ARMCX4: variants seen among roughly 807,000 people sequenced by gnomAD.
The protein encoded by ARMCX4 is armadillo repeat containing X-linked 4.
A neutral mutation model predicts 34.7 loss-of-function variants in ARMCX4; 3 were observed. That is an observed-to-expected ratio of 0.09 (90% confidence interval 0.04 to 0.22). The LOEUF is 0.22. Among genes scored for constraint, ARMCX4 ranks in the 10% least tolerant of loss-of-function variants. The pLI is 1.00. For missense variants in ARMCX4, 1,448 were observed against 1,720.8 expected (o/e 0.84, Z 2.81); for synonymous variants, 513 against 632.8 (o/e 0.81, Z 2.84).
At chrX:101,432,431 G>C (rs1460878929) in intron 2 of ARMCX4, among the ~76,000 whole-genome samples, 1 of 111,449 alleles carries the variant, frequency 9.0e-6, no homozygotes, top group Non-Finnish European at 1.9e-5. Context: ...GGGAGGCTGA[G>C]GCAGTAGGAT....
Position 101,460,547 on chromosome X carries a change from T to C in ARMCX4, c.-473+14503T>C, listed in dbSNP as rs782225854. Among the ~76,000 whole-genome samples the C allele has an allele frequency of 8.6e-4, 96 of 112,231 alleles. 1 individual carries two copies. The highest frequency in any genetic ancestry group is 2.6e-3 in the African/African-American group (81 of 30,943). Reference sequence around the variant, plus strand: ...TGGAATTACTGTAAAGCTTTCCCCATGGTGTCTGGAATCCACCAGGGCTCT... The same window carrying C: ...TGGAATTACTGTAAAGCTTTCCCCACGGTGTCTGGAATCCACCAGGGCTCT... On this transcript the variant is annotated intron_variant and NMD_transcript_variant, in intron 4 of 15. Transcript: ENST00000433011.
chrX:101,502,315 C>T (rs994679598), intron 7 of ARMCX4, among the ~76,000 whole-genome samples: 2 of 112,242 alleles, frequency 1.8e-5, no homozygotes, highest in African/African-American at 6.5e-5. Context: ...GATCATGGCT[C>T]ACTGCAGCCT....
intron 2 of ARMCX4, among the ~76,000 whole-genome samples, chrX:101,438,704 G>T (rs1482468509): frequency 1.8e-5 from 2 of 111,855 alleles, no homozygotes; most frequent in African/African-American, 6.5e-5. Flanking sequence ...TTGTTGAATT[G>T]ATACCTTTAC....
chrX:101,528,973 GA>G lies in ARMCX4; in HGVS notation c.*1781-2664del, dbSNP rs1363388010. Among the ~76,000 whole-genome samples the G allele has an allele frequency of 1.1e-3, 120 of 111,295 alleles. 1 individual carries two copies. Among genetic ancestry groups the G allele is most frequent in the Middle Eastern group, 4.6e-3 (1 of 217 alleles). ...ACCAATGACTTTCTTCACAGAACTG[GA>G]AAAAAATACTTTAAAGTTAATATGG... On this transcript the variant is annotated intron_variant and NMD_transcript_variant, in intron 11 of 12. Coordinates refer to the ARMCX4 transcript ENST00000354842.
rs1556009229 is a variant in ARMCX4 at position 101,491,606 on chromosome X, A to G, written c.3017A>G (p.Asn1006Ser). ...SQSETLLGAR[N>S]KVKGNTIAVP... ...AGTGAGACCTTGCTTGGTGCCAGGAATAAGGTCAAGGGCAATACCATTGCT... is the reference window on the plus strand; with the variant it reads ...AGTGAGACCTTGCTTGGTGCCAGGAGTAAGGTCAAGGGCAATACCATTGCT... Residue 1006 changes from asparagine to serine, a missense_variant, in exon 6 of 6, where the codon AAT (asparagine) becomes AGT (serine). Asn to Ser is a conservative substitution (Grantham distance 46). Transcript: ENST00000423738. 1 of 1,156,629 alleles carries G rather than the reference A, an allele frequency of 8.6e-7. No individual in the cohort carries two copies. Among genetic ancestry groups the G allele is most frequent in the South Asian group, 1.9e-5 (1 of 52,808 alleles).
chrX:101,499,972 C>T (rs187703776), downstream of ARMCX4, among the ~76,000 whole-genome samples: 32 of 111,905 alleles, frequency 2.9e-4, no homozygotes, highest in African/African-American at 1.0e-3. Context: ...AAAGAAAGGC[C>T]GAGTGCCCAG....
At chrX:101,454,209 A>C (rs1238096286) in intron 4 of ARMCX4, among the ~76,000 whole-genome samples, 1 of 108,931 alleles carries the variant, frequency 9.2e-6, no homozygotes, top group Non-Finnish European at 1.9e-5. Context: ...AAAAAATAAA[A>C]GCTCTGATCT....
chrX:101,477,754 A>G (rs782172411), intron 4 of ARMCX4, among the ~76,000 whole-genome samples: 10 of 111,468 alleles, frequency 9.0e-5, no homozygotes, highest in Non-Finnish European at 1.9e-4. Context: ...GTAAAACCAG[A>G]TATTAGCAAA....
chrX:101,423,744 A>G (rs1555990466), intron 2 of ARMCX4, among the ~76,000 whole-genome samples: 2 of 111,890 alleles, frequency 1.8e-5, no homozygotes, highest in African/African-American at 6.5e-5. Flanking sequence ...GAGAGTTGAG[A>G]CTTTTTCACC....
At chrX:101,432,171 A>C (rs1555992185) in intron 2 of ARMCX4, among the ~76,000 whole-genome samples, 1 of 111,950 alleles carries the variant, frequency 8.9e-6, no homozygotes, top group African/African-American at 3.2e-5. Context: ...TTATGGCTGT[A>C]GGCAGGTTCA....
At chrX:101,450,594 GA>G (rs1490101201), downstream of ARMCX4, among the ~76,000 whole-genome samples, 1 of 111,913 alleles carries the variant, frequency 8.9e-6, no homozygotes, top group Non-Finnish European at 1.9e-5. Flanking sequence ...AGGTGCAAGA[GA>G]AAGTTCTCTT....
At chrX:101,444,286 G>A (rs1254994754) in intron 3 of ARMCX4, 2 of 149,608 alleles carry the variant, frequency 1.3e-5, no homozygotes, top group African/African-American at 6.3e-5. Context: ...ACTTTAATTG[G>A]GCTCATCTGA....
chrX:101,512,871 TAGAG>T (rs1356214173), intron 11 of ARMCX4, among the ~76,000 whole-genome samples: 3 of 72,395 alleles, frequency 4.1e-5, no homozygotes, highest in African/African-American at 1.6e-4. Flanking sequence ...TATATATATG[TAGAG>T]AGAGAGAGAG....
intron 7 of ARMCX4, among the ~76,000 whole-genome samples, chrX:101,503,998 T>C (rs1207067376): frequency 9.0e-6 from 1 of 111,698 alleles, no homozygotes; most frequent in African/African-American, 3.3e-5. Context: ...TTCAGCTTTC[T>C]ACATATGGCT....
chrX:101,495,363 A>G lies in ARMCX4; in HGVS notation c.6774A>G (p.Gln2258=). 1.7e-6 allele frequency: 2 copies of G among 1,154,652 alleles called. No individual in the cohort carries two copies. The highest frequency in any genetic ancestry group is 2.3e-6 in the Non-Finnish European group (2 of 872,258). ...AAAATTCCCTTTATTTCCTATTCCA[A>G]CGACCTAAAGCATGTGCCAAGAAAC... ...FSKNSLYFLF[Q]RPKACAKKLR... Residue 2258 remains glutamine (Q), a synonymous_variant, in exon 6 of 6, where the codon CAA becomes CAG. Coordinates refer to ENST00000423738, the MANE Select transcript of ARMCX4 (RefSeq NM_001256155.3).
At chrX:101,436,435 G>A (rs1328005432) in intron 2 of ARMCX4, among the ~76,000 whole-genome samples, 1 of 109,542 alleles carries the variant, frequency 9.1e-6, no homozygotes, top group African/African-American at 3.3e-5. Context: ...TCATGATTTG[G>A]CTCTCTGTTT....
rs986906315 is a variant in ARMCX4, at chrX:101,491,901, C to T, written c.3312C>T (p.Asp1104=). The part of the protein sequence containing the change: ...DYYWNGIGVE[D]WIAAERWIKF... Reference sequence around the variant, plus strand: ...ACTGGAATGGGATTGGTGTTGAAGACTGGATTGCTGCTGAGCGGTGGATCA... The same window carrying T: ...ACTGGAATGGGATTGGTGTTGAAGATTGGATTGCTGCTGAGCGGTGGATCA... The change falls in exon 6 of 6, where the codon GAC becomes GAT. Residue 1104 remains aspartate, a synonymous_variant. Coordinates refer to ENST00000423738, the MANE Select transcript of ARMCX4 (RefSeq NM_001256155.3). 4.3e-6 allele frequency: 5 copies of T among 1,156,096 alleles called. No individual in the cohort carries two copies. The highest frequency in any genetic ancestry group is 5.7e-6 in the Non-Finnish European group (5 of 872,783).
At chrX:101,432,282 A>G (rs1008350796) in intron 2 of ARMCX4, among the ~76,000 whole-genome samples, 1 of 111,194 alleles carries the variant, frequency 9.0e-6, no homozygotes, top group Non-Finnish European at 1.9e-5. Context: ...CGTGTTCTCT[A>G]TCCCTTAATA....
intron 4 of ARMCX4, among the ~76,000 whole-genome samples, chrX:101,462,094 G>A (rs1359877951): frequency 2.7e-5 from 3 of 111,927 alleles, no homozygotes; most frequent in Admixed American, 9.5e-5. Flanking sequence ...TAGGAAAATT[G>A]CAGAAGAATA....
Sources: gnomAD v4.1 joint callset for allele counts (sites outside exome capture counted in the v4.1 genomes callset) on GRCh38, gnomAD v4.1.1 for gene constraint, MANE v1.5 for transcripts, NCBI Gene and HGNC (gene_info 2026-07-23, HGNC 2026-07-21) for gene names.